The following DTWD2 variants were observed in gnomAD, a reference collection of about 807,000 sequenced individuals.
DTWD2 encodes tRNA-uridine aminocarboxypropyltransferase 2.
A neutral mutation model predicts 31.8 loss-of-function variants in DTWD2; 39 were observed. The observed-to-expected ratio is 1.22, with a 90% CI of 0.95 to 1.60. The LOEUF (loss-of-function observed/expected upper bound fraction) is 1.60, where lower values mean the gene tolerates loss of function less well. DTWD2 is among the 40% of genes most tolerant of loss of function. The pLI, the probability that DTWD2 is intolerant of heterozygous loss-of-function variation, is 0.00. For missense variants in DTWD2, 515 were observed against 381.5 expected (o/e 1.35, Z -2.92); for synonymous variants, 180 against 142.8 (o/e 1.26, Z -1.86).
chr5:118,940,254 T>C (rs142065297), intron 2 of DTWD2, among the ~76,000 whole-genome samples: 21 of 152,336 alleles, frequency 1.4e-4, no homozygotes, highest in Non-Finnish European at 1.2e-4. Context: ...TAGAGCCAAG[T>C]GATTAGTTAC....
At chr5:118,979,599 A>G (rs2149603195) in intron 1 of DTWD2, among the ~76,000 whole-genome samples, 1 of 152,368 alleles carries the variant, frequency 6.6e-6, no homozygotes, top group African/African-American at 2.4e-5. Context: ...AAGACATGGA[A>G]TCAATCCACA....
In DTWD2 at chr5:118,934,233, A is replaced by C. The variant is rs77231348; in HGVS notation, c.404+4963T>G. ...GTGGATCCCTTTAGCCTAGGAGTTT[A>C]AGACTGGCCTGGGCAACATAGTGAG... On this transcript the variant is annotated intron_variant, in intron 3 of 5. Coordinates refer to ENST00000510708, the MANE Select transcript of DTWD2 (RefSeq NM_173666.4). Among the ~76,000 whole-genome samples, 26 of 142,688 alleles carry C rather than the reference A, an allele frequency of 1.8e-4. No homozygotes were observed. The East Asian group carries it at 5.6e-3, about 31-fold the overall frequency. 93.6% of individuals were successfully genotyped at this position (142,688 alleles called of 152,430 possible). A position where few individuals can be genotyped will look rare whatever the true frequency, so the allele number is the denominator to read the frequency against.
intron 1 of DTWD2, among the ~76,000 whole-genome samples, chr5:118,945,774 A>AAAAAGAAAGAAAGAAAGAAAGAAAG (rs1336464124): frequency 9.7e-5 from 13 of 134,292 alleles, no homozygotes; most frequent in African/African-American, 3.7e-4. Context: ...CAAAAAAAAA[A>AAAAAGAAAGAAAGAAAGAAAGAAAG]AAAGAAAGAA....
At chr5:118,948,950 TG>T (rs1317416754) in intron 1 of DTWD2, among the ~76,000 whole-genome samples, 5 of 152,110 alleles carry the variant, frequency 3.3e-5, no homozygotes, top group Non-Finnish European at 1.5e-5. Context: ...GTTGTTGCTT[TG>T]TAGAAGGGGT....
chr5:118,928,772 G>GA, intron 3 of DTWD2, 43 bp from the exon 4 acceptor site: 1 of 1,423,274 alleles, frequency 7.0e-7, no homozygotes, highest in Non-Finnish European at 9.3e-7. Context: ...AGCTTGTGAG[G>GA]AAAAAAGGTT....
At chr5:118,964,449 C>G (rs1478060265) in intron 1 of DTWD2, among the ~76,000 whole-genome samples, 5 of 152,094 alleles carry the variant, frequency 3.3e-5, no homozygotes, top group Non-Finnish European at 1.5e-5. Flanking sequence ...TCCCCACAGT[C>G]TCTGTCTCCC....
chr5:118,860,616 T>A, intron 4 of DTWD2, among the ~76,000 whole-genome samples: 1 of 152,156 alleles, frequency 6.6e-6, no homozygotes. Context: ...GTGGTAACAT[T>A]TTGCATTCCT....
chr5:118,853,473 T>C (rs561426354), intron 4 of DTWD2, among the ~76,000 whole-genome samples: 10 of 152,140 alleles, frequency 6.6e-5, no homozygotes, highest in African/African-American at 2.2e-4. Context: ...GCCCTATTCA[T>C]AATAGCAAAG....
At position 118,841,178 on chromosome 5, in the gene DTWD2, T is replaced by C. The variant is rs775013526; in HGVS notation, c.727-91A>G. 10 of 1,423,764 alleles carry C rather than the reference T, an allele frequency of 7.0e-6. No homozygotes were observed. In the African/African-American group the frequency reaches 1.3e-4, roughly 19 times the overall value. The allele number at this position is 1,423,764 out of a possible 1,614,324, so 88.2% of individuals were successfully genotyped here. ...TCATTCAGAAATAGGAGTTACTATG[T>C]TTCTTTTATTATGATTGGCTTTTAA... is the stretch of plus-strand genomic sequence containing the variant. On this transcript the variant is annotated intron_variant, in intron 5 of 5. Coordinates refer to ENST00000510708, the MANE Select transcript of DTWD2 (RefSeq NM_173666.4).
intron 5 of DTWD2, among the ~76,000 whole-genome samples, chr5:118,847,886 T>C (rs1232732943): frequency 6.6e-6 from 1 of 151,124 alleles, no homozygotes; most frequent in Non-Finnish European, 1.5e-5. Flanking sequence ...TTAGTATGAA[T>C]ATTTAAATAA....
chr5:118,916,133 T>C (rs952594854), intron 4 of DTWD2, among the ~76,000 whole-genome samples: 5 of 152,158 alleles, frequency 3.3e-5, no homozygotes, highest in Admixed American at 2.0e-4. Flanking sequence ...ACAACTAATA[T>C]CTCAACGAAG....
intron 5 of DTWD2, among the ~76,000 whole-genome samples, chr5:118,842,543 C>A (rs1432714944): frequency 3.9e-5 from 6 of 152,146 alleles, no homozygotes; most frequent in African/African-American, 1.2e-4. Context: ...CATTCCCAGT[C>A]AGGACTGCCC....
At chr5:118,973,655 G>GC (rs1442540396) in intron 1 of DTWD2, 89 of 816,332 alleles carry the variant, frequency 1.1e-4, no homozygotes, top group East Asian at 8.0e-4. Flanking sequence ...CTCCTTGCTC[G>GC]CGGCAGCCTC....
intron 4 of DTWD2, among the ~76,000 whole-genome samples, chr5:118,867,169 T>C (rs1164148355): frequency 6.6e-6 from 1 of 152,098 alleles, no homozygotes; most frequent in Non-Finnish European, 1.5e-5. Flanking sequence ...GACAAGCATA[T>C]TACAAAATAG....
chr5:118,943,645 T>C (rs1337835009), intron 2 of DTWD2, among the ~76,000 whole-genome samples: 1 of 151,572 alleles, frequency 6.6e-6, no homozygotes, highest in African/African-American at 2.4e-5. Flanking sequence ...GGCTGAGGCA[T>C]GAGAATTGTT....
chr5:118,923,639 C>G (rs990424187), intron 4 of DTWD2, among the ~76,000 whole-genome samples: 3 of 152,220 alleles, frequency 2.0e-5, no homozygotes, highest in African/African-American at 7.2e-5. Flanking sequence ...TCTTGGATCT[C>G]TTCCAAGTAA....
chr5:118,981,056 G>C lies in DTWD2; in HGVS notation c.218+7238C>G, dbSNP rs147066199. On this transcript the variant is annotated intron_variant, in intron 1 of 5. Transcript: ENST00000510708. ...ATTTTCATTCATTTGCTACAACATG[G>C]ATGGACCTTGAAAACATTATACTCG... 1.3e-5 allele frequency among the ~76,000 whole-genome samples: 2 copies of C among 152,250 alleles called. 1 individual carries two copies. The highest frequency in any genetic ancestry group is 3.9e-4 in the East Asian group (2 of 5,178).
intron 1 of DTWD2, among the ~76,000 whole-genome samples, chr5:118,977,677 G>C (rs1421681516): frequency 6.6e-6 from 1 of 152,158 alleles, no homozygotes; most frequent in Non-Finnish European, 1.5e-5. Context: ...ACTGCTCAAG[G>C]AAATCAGAGA....
intron 4 of DTWD2, among the ~76,000 whole-genome samples, chr5:118,921,539 G>C (rs1412628341): frequency 6.7e-6 from 1 of 149,654 alleles, no homozygotes; most frequent in African/African-American, 2.5e-5. Context: ...AAAAAAGAAA[G>C]AAAGAAAAAG....
Sources: allele counts gnomAD v4.1 joint callset (sites outside exome capture counted in the v4.1 genomes callset), GRCh38; gene constraint gnomAD v4.1.1; transcripts MANE v1.5; gene names NCBI Gene and HGNC (gene_info 2026-07-23, HGNC 2026-07-21).